Variants in IL1RAPL1 observed in about 807,000 individuals in gnomAD.
IL1RAPL1 encodes the protein interleukin-1 receptor accessory protein-like 1.
In IL1RAPL1, 3 loss-of-function variants were observed where a neutral mutation model predicts 48.4. The observed-to-expected ratio is 0.06, with a 90% CI of 0.03 to 0.16. The LOEUF (loss-of-function observed/expected upper bound fraction) is 0.16, where lower values mean the gene tolerates loss of function less well. IL1RAPL1 is among the 10% of genes least tolerant of loss of function. The pLI is 1.00. For missense variants in IL1RAPL1, 349 were observed against 530.6 expected, an observed-to-expected ratio of 0.66 and a Z score of 3.36; for synonymous variants, 185 against 187.7, an observed-to-expected ratio of 0.99 and a Z score of 0.12.
intron 5 of IL1RAPL1, among the ~76,000 whole-genome samples, chrX:29,647,124 T>G (rs1346498811): frequency 1.8e-5 from 2 of 111,671 alleles, no homozygotes; most frequent in Non-Finnish European, 3.8e-5. Context: ...CTGAGGTGGG[T>G]GGATCACCTG....
intron 2 of IL1RAPL1, among the ~76,000 whole-genome samples, chrX:29,068,998 A>C (rs770723898): frequency 8.9e-6 from 1 of 112,118 alleles, no homozygotes; most frequent in South Asian, 3.7e-4. Flanking sequence ...TCCATGCAAT[A>C]GTGTGTTTCC....
intron 2 of IL1RAPL1, among the ~76,000 whole-genome samples, chrX:29,136,124 CTTTTT>C (rs35972652): frequency 1.4e-4 from 9 of 64,173 alleles, no homozygotes; most frequent in African/African-American, 3.0e-4. Context: ...CATTTGAACT[CTTTTT>C]TTTTTTTTTT....
chrX:29,259,576 AC>A (rs1343775972), intron 2 of IL1RAPL1, among the ~76,000 whole-genome samples: 4 of 111,393 alleles, frequency 3.6e-5, no homozygotes, highest in South Asian at 7.5e-4. Context: ...TCTGAAAAAA[AC>A]ATATAAGATT....
intron 6 of IL1RAPL1, among the ~76,000 whole-genome samples, chrX:29,908,647 G>C (rs777847872): frequency 9.0e-6 from 1 of 111,361 alleles, no homozygotes; most frequent in African/African-American, 3.3e-5. Context: ...AAACTATAGA[G>C]AATTTTATAT....
intron 2 of IL1RAPL1, among the ~76,000 whole-genome samples, chrX:29,002,091 G>A (rs191611811): frequency 3.7e-5 from 4 of 108,545 alleles, no homozygotes; most frequent in East Asian, 2.9e-4. Flanking sequence ...TAGTAGAAAC[G>A]GGGTTTCACC....
At chrX:29,181,320 C>T (rs1930139671) in intron 2 of IL1RAPL1, among the ~76,000 whole-genome samples, 1 of 111,688 alleles carries the variant, frequency 9.0e-6, no homozygotes, top group African/African-American at 3.3e-5. Flanking sequence ...TCTCACTACT[C>T]CTATTTGCAA....
At chrX:29,738,753 C>T (rs961822455) in intron 6 of IL1RAPL1, among the ~76,000 whole-genome samples, 2 of 111,763 alleles carry the variant, frequency 1.8e-5, no homozygotes, top group African/African-American at 6.5e-5. Flanking sequence ...ATTTTGTTAC[C>T]GTTAACACTT....
At chrX:28,653,084 T>A (rs1029066161) in intron 1 of IL1RAPL1, among the ~76,000 whole-genome samples, 2 of 112,177 alleles carry the variant, frequency 1.8e-5, no homozygotes, top group Admixed American at 1.9e-4. Context: ...GTATTTTAGC[T>A]CAACTCAAGG....
rs80100335 is a variant in IL1RAPL1 at position 29,154,026 on chromosome X, G to A, written c.83-128912G>A. Among the ~76,000 whole-genome samples the A allele has an allele frequency of 1.1e-3, 119 of 112,041 alleles. No individual in the cohort carries two copies. The East Asian group carries it at 0.023, about 22-fold the overall frequency. The stretch of plus-strand genomic sequence containing the variant: ...GTGGCTGCTATCAACAGAAAGAGCC[G>A]TTGTTAGGCTTTGCATGTTCTGGAG... On this transcript the variant is annotated intron_variant, in intron 2 of 10. Coordinates refer to ENST00000378993, the MANE Select transcript of IL1RAPL1 (RefSeq NM_014271.4).
At chrX:29,919,367 A>G (rs1309084168) in intron 7 of IL1RAPL1, among the ~76,000 whole-genome samples, 1 of 112,232 alleles carries the variant, frequency 8.9e-6, no homozygotes, top group Non-Finnish European at 1.9e-5. Context: ...TTGAACAGAG[A>G]TGACAACGAG....
chrX:29,558,210 C>T (rs1473905191), intron 5 of IL1RAPL1, among the ~76,000 whole-genome samples: 1 of 111,866 alleles, frequency 8.9e-6, no homozygotes, highest in African/African-American at 3.2e-5. Flanking sequence ...TCTCTTTTCA[C>T]ATTTGATAAT....
intron 5 of IL1RAPL1, among the ~76,000 whole-genome samples, chrX:29,514,694 C>T (rs978899959): frequency 1.7e-4 from 19 of 112,706 alleles, no homozygotes; most frequent in African/African-American, 3.2e-5. Flanking sequence ...AGTGATCCGC[C>T]TGCCTTGGCC....
chrX:29,922,069 C>T (rs755954794), intron 8 of IL1RAPL1, among the ~76,000 whole-genome samples: 159 of 108,807 alleles, frequency 1.5e-3, no homozygotes, highest in Non-Finnish European at 2.1e-3. Context: ...TGGGGGGGGA[C>T]AAGGGAGGGG....
At chrX:29,759,538 G>C (rs1300694454) in intron 6 of IL1RAPL1, among the ~76,000 whole-genome samples, 1 of 111,641 alleles carries the variant, frequency 9.0e-6, no homozygotes, top group Non-Finnish European at 1.9e-5. Flanking sequence ...AAAAGCACTT[G>C]TAGTAGTTTC....
At chrX:28,979,283 A>G (rs955756816) in intron 2 of IL1RAPL1, among the ~76,000 whole-genome samples, 20 of 112,209 alleles carry the variant, frequency 1.8e-4, no homozygotes, top group East Asian at 2.8e-4. Context: ...TCCTACTTTC[A>G]CAGATACTGA....
intron 2 of IL1RAPL1, among the ~76,000 whole-genome samples, chrX:29,196,063 C>G (rs192764000): frequency 3.6e-5 from 4 of 112,234 alleles, no homozygotes; most frequent in East Asian, 5.6e-4. Context: ...CAGGCTGTCA[C>G]CATGATGATT....
chrX:29,355,097 C>T (rs780337995), intron 3 of IL1RAPL1, among the ~76,000 whole-genome samples: 62 of 111,917 alleles, frequency 5.5e-4, no homozygotes, highest in Non-Finnish European at 9.8e-4. Flanking sequence ...AATAAGACTC[C>T]AGTCTTCTTG....
intron 5 of IL1RAPL1, among the ~76,000 whole-genome samples, chrX:29,489,120 G>C (rs760738850): frequency 1.1e-4 from 12 of 111,609 alleles, no homozygotes; most frequent in Middle Eastern, 4.6e-3. Flanking sequence ...GGGGAGTCTC[G>C]TGACATTTCT....
intron 5 of IL1RAPL1, among the ~76,000 whole-genome samples, chrX:29,423,356 C>T (rs1439053980): frequency 8.9e-6 from 1 of 112,116 alleles, no homozygotes; most frequent in African/African-American, 3.2e-5. Context: ...GTAGCCCAAC[C>T]ACCTTGGGCA....
Sources: gnomAD v4.1 joint callset for allele counts (sites outside exome capture counted in the v4.1 genomes callset) on GRCh38, gnomAD v4.1.1 for gene constraint, MANE v1.5 for transcripts, NCBI Gene and HGNC (gene_info 2026-07-23, HGNC 2026-07-21) for gene names.